The following SETD2 variants were observed in gnomAD, a reference collection of about 807,000 sequenced individuals.
SETD2 encodes histone-lysine N-methyltransferase SETD2.
Under a neutral mutation model 242.1 loss-of-function variants are expected in SETD2, and 31 were observed. The observed-to-expected ratio is 0.13, with a 90% CI of 0.10 to 0.17. The LOEUF is 0.17. Among genes scored for constraint, SETD2 ranks in the 10% least tolerant of loss-of-function variants. SETD2 has a pLI of 1.00. For synonymous variants in SETD2, 1,006 were observed against 1,066.5 expected (o/e 0.94, Z 1.11); for missense variants, 2,481 against 3,046.3 (o/e 0.81, Z 4.37).
At chr3:47,110,727 T>G (rs754355252) in intron 5 of SETD2, among the ~76,000 whole-genome samples, 1 of 152,180 alleles carries the variant, frequency 6.6e-6, no homozygotes. Context: ...CACATCATCA[T>G]GTGGCAGTTA....
chr3:47,123,814 T>A lies in SETD2; in HGVS notation c.822A>T (p.Gln274His), dbSNP rs2106712938. Residue 274 changes from glutamine (Q) to histidine (H), a missense_variant, in exon 3 of 21, where the codon CAA becomes CAT. Transcript: ENST00000409792. ...EEHVTQILNE[Q>H]ADISSKKEDS... ...CTTCTTTTTTTGAGGAAATATCTGCTTGCTCATTCAATATTTGAGTTACGT... is the reference window on the plus strand; with the variant it reads ...CTTCTTTTTTTGAGGAAATATCTGCATGCTCATTCAATATTTGAGTTACGT... 6.5e-7 allele frequency: 1 copy of A among 1,548,546 alleles called. No individual in the cohort carries two copies. The highest frequency in any genetic ancestry group is 8.7e-7 in the Non-Finnish European group (1 of 1,145,302).
intron 18 of SETD2, among the ~76,000 whole-genome samples, chr3:47,032,639 C>T (rs192638728): frequency 7.9e-5 from 12 of 151,708 alleles, no homozygotes; most frequent in African/African-American, 2.7e-4. Flanking sequence ...AAGCTGGGCA[C>T]GGTGGCTCAC....
intron 1 of SETD2, among the ~76,000 whole-genome samples, chr3:47,145,999 G>C (rs2043840743): frequency 8.2e-6 from 1 of 122,336 alleles, no homozygotes; most frequent in Non-Finnish European, 1.6e-5. Flanking sequence ...CTGGGTGACA[G>C]AGCGAGACCC....
intron 14 of SETD2, among the ~76,000 whole-genome samples, chr3:47,060,810 G>A (rs944806680): frequency 1.3e-5 from 2 of 151,992 alleles, no homozygotes; most frequent in Non-Finnish European, 1.5e-5. Context: ...AATACAAGCC[G>A]TAAACTGGGA....
chr3:47,102,343 T>A (rs2107685445), intron 7 of SETD2, among the ~76,000 whole-genome samples: 2 of 152,352 alleles, frequency 1.3e-5, no homozygotes, highest in South Asian at 4.1e-4. Flanking sequence ...CTCCTTTTTG[T>A]TATACAACTT....
intron 19 of SETD2, 89 bp downstream of exon 19, chr3:47,019,671 A>C: frequency 9.0e-7 from 1 of 1,115,744 alleles, no homozygotes; most frequent in Non-Finnish European, 1.4e-6. Flanking sequence ...TCTTGGGGCA[A>C]AGGAGATATT....
intron 12 of SETD2, among the ~76,000 whole-genome samples, chr3:47,072,724 T>TC (rs2040878168): frequency 6.6e-6 from 1 of 151,942 alleles, no homozygotes; most frequent in South Asian, 2.1e-4. Context: ...GGCAGGCAGA[T>TC]CACGAGGTCA....
intron 16 of SETD2, among the ~76,000 whole-genome samples, chr3:47,046,110 G>A (rs2039513684): frequency 1.3e-5 from 2 of 151,718 alleles, no homozygotes; most frequent in Non-Finnish European, 2.9e-5. Context: ...GGCTGAGGCG[G>A]GTGGATCACC....
At chr3:47,048,752 C>CCA (rs1415247881) in intron 15 of SETD2, among the ~76,000 whole-genome samples, 2 of 152,160 alleles carry the variant, frequency 1.3e-5, no homozygotes, top group Non-Finnish European at 2.9e-5. Context: ...ACTGCAACCT[C>CCA]CACCTCCCGG....
At chr3:47,135,786 G>A (rs923081234) in intron 1 of SETD2, among the ~76,000 whole-genome samples, 1 of 152,118 alleles carries the variant, frequency 6.6e-6, no homozygotes, top group Admixed American at 6.6e-5. Flanking sequence ...ACTTTGCTCA[G>A]TGTCCTATCC....
intron 5 of SETD2, among the ~76,000 whole-genome samples, chr3:47,111,577 T>A (rs576468598): frequency 8.4e-4 from 127 of 151,626 alleles, no homozygotes; most frequent in African/African-American, 2.9e-3. Flanking sequence ...CTCAAAAAAA[T>A]AAAAAACAAT....
chr3:47,143,803 CG>C (rs1336927302), intron 1 of SETD2, among the ~76,000 whole-genome samples: 2 of 152,060 alleles, frequency 1.3e-5, no homozygotes, highest in Non-Finnish European at 2.9e-5. Context: ...CTCCACCTCC[CG>C]GGTTCATGCC....
chr3:47,075,152 AT>A (rs909777288), intron 12 of SETD2, among the ~76,000 whole-genome samples: 1 of 151,514 alleles, frequency 6.6e-6, no homozygotes, highest in Non-Finnish European at 1.5e-5. Flanking sequence ...AAAAAAAAAA[AT>A]CTCTGCAGTA....
chr3:47,031,393 A>C (rs550985822), intron 18 of SETD2, among the ~76,000 whole-genome samples: 2 of 152,354 alleles, frequency 1.3e-5, no homozygotes, highest in South Asian at 4.1e-4. Context: ...TTCCTGTTCA[A>C]TTTTGCTATG....
intron 1 of SETD2, among the ~76,000 whole-genome samples, chr3:47,127,210 T>C (rs1393879078): frequency 6.6e-6 from 1 of 151,478 alleles, no homozygotes; most frequent in Non-Finnish European, 1.5e-5. Flanking sequence ...TACAAAAAAA[T>C]AGCCAGACAT....
chr3:47,093,361 G>A (rs1465651652), intron 9 of SETD2, among the ~76,000 whole-genome samples: 13 of 146,410 alleles, frequency 8.9e-5, no homozygotes, highest in Non-Finnish European at 1.9e-4. Flanking sequence ...TCAGCTCACT[G>A]CAACCTCCAT....
At chr3:47,075,113 G>A (rs572721793) in intron 12 of SETD2, among the ~76,000 whole-genome samples, 23 of 144,878 alleles carry the variant, frequency 1.6e-4, no homozygotes, top group African/African-American at 4.6e-4. Flanking sequence ...CAGCCTGGGC[G>A]ACAGAGCGAG....
Position 47,105,410 on chromosome 3 carries a change from T to TAAA in SETD2, c.4839+584_4839+586dup, listed in dbSNP as rs11391574. On this transcript the variant is annotated intron_variant, in intron 6 of 20. Transcript: ENST00000409792. ...AGGTAATATAGCAAGACACTATCTC[T>TAAA]AAAAAAAAAAAAAAAAAGGCACTCT... 3.0e-3 allele frequency among the ~76,000 whole-genome samples: 363 copies of TAAA among 122,612 alleles called. 2 individuals carry two copies. The highest frequency in any genetic ancestry group is 9.6e-3 in the Middle Eastern group (2 of 208). The allele number at this position is 122,612 out of a possible 152,430, so 80.4% of individuals were successfully genotyped here. A position where few individuals can be genotyped will look rare whatever the true frequency, so the allele number is the denominator to read the frequency against.
chr3:47,138,089 A>G (rs928228578), intron 1 of SETD2, among the ~76,000 whole-genome samples: 6 of 151,108 alleles, frequency 4.0e-5, no homozygotes, highest in Non-Finnish European at 7.4e-5. Flanking sequence ...CTCCTGCCTC[A>G]GCCTCCCGAG....
Sources: gnomAD v4.1 joint callset for allele counts (sites outside exome capture counted in the v4.1 genomes callset) on GRCh38, gnomAD v4.1.1 for gene constraint, MANE v1.5 for transcripts, NCBI Gene and HGNC (gene_info 2026-07-23, HGNC 2026-07-21) for gene names.